The following CTNND2 variants were observed in gnomAD, a reference collection of about 807,000 sequenced individuals.
CTNND2 encodes catenin delta 2.
A neutral mutation model predicts 144.4 loss-of-function variants in CTNND2; 22 were observed. The observed-to-expected ratio is 0.15, with a 90% CI of 0.11 to 0.22. The LOEUF (loss-of-function observed/expected upper bound fraction) is 0.22. Ranked by LOEUF, CTNND2 falls within the 10% of genes least tolerant of loss-of-function variation. CTNND2 has a pLI of 1.00. For missense variants in CTNND2, 1,353 were observed against 1,618.8 expected (o/e 0.84, Z 2.82); for synonymous variants, 751 against 695.6 (o/e 1.08, Z -1.25).
intron 9 of CTNND2, among the ~76,000 whole-genome samples, chr5:11,251,723 T>C (rs1375486155): frequency 6.6e-6 from 1 of 152,228 alleles, no homozygotes; most frequent in Non-Finnish European, 1.5e-5. Context: ...GGGCAAATTA[T>C]GTGTATATGA....
At chr5:11,198,603 A>T (rs1423203127) in intron 11 of CTNND2, among the ~76,000 whole-genome samples, 1 of 152,266 alleles carries the variant, frequency 6.6e-6, no homozygotes, top group East Asian at 1.9e-4. Flanking sequence ...CTTTTTAGAC[A>T]GTCAACTATG....
chr5:11,332,644 C>T (rs1431311000), intron 9 of CTNND2, among the ~76,000 whole-genome samples: 2 of 152,112 alleles, frequency 1.3e-5, no homozygotes. Context: ...TCTCATTTCC[C>T]CTTCCCACAT....
chr5:11,675,207 T>C (rs868066596), intron 2 of CTNND2, among the ~76,000 whole-genome samples: 34 of 152,150 alleles, frequency 2.2e-4, no homozygotes, highest in African/African-American at 7.7e-4. Flanking sequence ...TATTCATACT[T>C]TAAATGGGAA....
chr5:11,142,657 A>T (rs1276497129), intron 12 of CTNND2, among the ~76,000 whole-genome samples: 2 of 136,628 alleles, frequency 1.5e-5, no homozygotes, highest in Admixed American at 1.6e-4. Flanking sequence ...TCTGTCACCC[A>T]GGCTGGAGTG....
intron 1 of CTNND2, among the ~76,000 whole-genome samples, chr5:11,860,146 T>C (rs1313732588): frequency 2.0e-5 from 3 of 152,198 alleles, no homozygotes; most frequent in Non-Finnish European, 4.4e-5. Context: ...CTTGACAATT[T>C]TATCAGATTG....
intron 9 of CTNND2, among the ~76,000 whole-genome samples, chr5:11,301,883 G>C (rs917882116): frequency 3.3e-5 from 5 of 152,090 alleles, no homozygotes; most frequent in Admixed American, 3.3e-4. Context: ...TGATGGAAAT[G>C]ACATTTTTCC....
In CTNND2 at chr5:11,465,679, C is replaced by T. The variant is rs138081186; in HGVS notation, c.288-53610G>A. On this transcript the variant is annotated intron_variant, in intron 3 of 21. Coordinates refer to ENST00000304623, the MANE Select transcript of CTNND2 (RefSeq NM_001332.4). ...GTTTCCCCTTCCAAAAGGGCACAGA[C>T]CCTGAAAATATTAAAACCATCATGG... Among the ~76,000 whole-genome samples the T allele has an allele frequency of 5.9e-3, 891 of 152,278 alleles. 4 individuals carry two copies. The highest frequency in any genetic ancestry group is 0.021 in the African/African-American group (862 of 41,560).
chr5:11,389,539 A>G (rs1338351319), intron 6 of CTNND2, among the ~76,000 whole-genome samples: 5 of 152,162 alleles, frequency 3.3e-5, no homozygotes, highest in African/African-American at 1.2e-4. Context: ...GTGTAATTGT[A>G]GATGCATTGA....
chr5:11,129,256 A>AAT (rs1561353672), intron 12 of CTNND2, among the ~76,000 whole-genome samples: 1 of 69,540 alleles, frequency 1.4e-5, no homozygotes, highest in Non-Finnish European at 2.7e-5. Context: ...ATTATATAAA[A>AAT]ATATAAATAT....
At chr5:11,537,757 T>C (rs1774354552) in intron 3 of CTNND2, among the ~76,000 whole-genome samples, 1 of 152,186 alleles carries the variant, frequency 6.6e-6, no homozygotes, top group Non-Finnish European at 1.5e-5. Flanking sequence ...GTACCAGCTT[T>C]AGTAGAAAGG....
chr5:11,300,437 G>A (rs1749468065), intron 9 of CTNND2, among the ~76,000 whole-genome samples: 1 of 152,072 alleles, frequency 6.6e-6, no homozygotes, highest in African/African-American at 2.4e-5. Context: ...CTCAAGTCGG[G>A]TCCAGCTTCC....
chr5:11,433,041 G>A (rs932167543), intron 3 of CTNND2, among the ~76,000 whole-genome samples: 14 of 152,168 alleles, frequency 9.2e-5, no homozygotes, highest in African/African-American at 2.9e-4. Context: ...TCAGAAGATC[G>A]AGACCATCCT....
chr5:11,474,408 T>G (rs891473819), intron 3 of CTNND2, among the ~76,000 whole-genome samples: 4 of 152,114 alleles, frequency 2.6e-5, no homozygotes, highest in Non-Finnish European at 4.4e-5. Flanking sequence ...GTTTTTGTTA[T>G]AACAGTAAGA....
At chr5:11,325,133 C>T (rs1190427466) in intron 9 of CTNND2, among the ~76,000 whole-genome samples, 1 of 152,002 alleles carries the variant, frequency 6.6e-6, no homozygotes, top group African/African-American at 2.4e-5. Flanking sequence ...GTTTTATTTT[C>T]CTTTGCAGGC....
At chr5:11,739,116 T>C (rs1787855773) in intron 1 of CTNND2, among the ~76,000 whole-genome samples, 1 of 152,176 alleles carries the variant, frequency 6.6e-6, no homozygotes, top group African/African-American at 2.4e-5. Flanking sequence ...GGCCAGTGGG[T>C]ACACTATTGA....
intron 3 of CTNND2, among the ~76,000 whole-genome samples, chr5:11,491,598 T>C (rs1176954124): frequency 6.6e-6 from 1 of 152,142 alleles, no homozygotes; most frequent in Non-Finnish European, 1.5e-5. Context: ...AAGACAGAAA[T>C]GCAAAGCATC....
At position 11,903,468 on chromosome 5, in the gene CTNND2, G is replaced by A. The variant is rs1232321340; in HGVS notation, c.37+349C>T. ...TCCTCCCGTATATTAGGGACGTCATGAATGCACCGAGTATGTTCTCAGGGT... is the reference window on the plus strand; with the variant it reads ...TCCTCCCGTATATTAGGGACGTCATAAATGCACCGAGTATGTTCTCAGGGT... On this transcript the variant is annotated intron_variant, in intron 1 of 21. Transcript: ENST00000304623. This position sits in a 1 kb window ranked among gnomAD's most constrained non-coding sequence, Gnocchi z 5.4. The A allele has an allele frequency of 1.3e-6, 1 of 749,472 alleles. No individual in the cohort carries two copies. The highest frequency in any genetic ancestry group is 7.1e-5 in the East Asian group (1 of 14,152). The allele number at this position is 749,472 out of a possible 1,614,324, so 46.4% of individuals were successfully genotyped here.
At chr5:11,026,015 A>G (rs886592446) in intron 16 of CTNND2, among the ~76,000 whole-genome samples, 2 of 152,208 alleles carry the variant, frequency 1.3e-5, no homozygotes, top group Non-Finnish European at 2.9e-5. Context: ...CACACCATCA[A>G]GGTGGTCAAA....
intron 13 of CTNND2, among the ~76,000 whole-genome samples, chr5:11,116,139 A>G (rs1370811739): frequency 6.6e-6 from 1 of 152,234 alleles, no homozygotes; most frequent in Admixed American, 6.5e-5. Context: ...GGACTGCAAT[A>G]GGGTCTGTGC....
Sources: allele counts gnomAD v4.1 joint callset (sites outside exome capture counted in the v4.1 genomes callset), GRCh38; gene constraint gnomAD v4.1.1; non-coding constraint Gnocchi (gnomAD v3.1); transcripts MANE v1.5; gene names NCBI Gene and HGNC (gene_info 2026-07-23, HGNC 2026-07-21).